Variants in FAIM2 observed in about 807,000 individuals in gnomAD.
FAIM2 encodes the protein Fas apoptotic inhibitory molecule 2.
A neutral mutation model predicts 47.4 loss-of-function variants in FAIM2; 27 were observed. That is an observed-to-expected ratio of 0.57 (90% CI 0.42 to 0.78). FAIM2 has a LOEUF of 0.78. Among genes scored for constraint, FAIM2 ranks in the 30% least tolerant of loss-of-function variants. The pLI is 0.00. For synonymous variants in FAIM2, 156 were observed against 159.3 expected, an observed-to-expected ratio of 0.98 and a Z score of 0.16; for missense variants, 311 against 389.4, an observed-to-expected ratio of 0.80 and a Z score of 1.69.
chr12:49,880,435 CAT>C (rs1225828875), intron 11 of FAIM2, among the ~76,000 whole-genome samples: 70 of 124,522 alleles, frequency 5.6e-4, no homozygotes, highest in African/African-American at 2.2e-3. Context: ...CATATCTCTG[CAT>C]GTTTGTGTAT....
intron 10 of FAIM2, among the ~76,000 whole-genome samples, 163 bp from the exon 11 acceptor site, chr12:49,887,602 C>T (rs1946870952): frequency 6.6e-6 from 1 of 152,152 alleles, no homozygotes; most frequent in Admixed American, 6.5e-5. Context: ...TCTGTGTGCC[C>T]AGGGTGGGTG....
In FAIM2 at chr12:49,879,584, G is replaced by A. The variant is rs1408657118; in HGVS notation, c.801+7802C>T. ...CATGCATGTATATGTGCGTGTATAT[G>A]TGTATTTGTGTGCATGCGAGTGTAT... On this transcript the variant is annotated intron_variant, in intron 11 of 11. Transcript: ENST00000320634. Among the ~76,000 whole-genome samples, 5 of 151,710 alleles carry A rather than the reference G, an allele frequency of 3.3e-5. No homozygotes were observed. The South Asian group carries it at 8.3e-4, about 25-fold the overall frequency.
intron 5 of FAIM2, among the ~76,000 whole-genome samples, chr12:49,894,457 G>A (rs1296131144): frequency 6.6e-6 from 1 of 152,194 alleles, no homozygotes; most frequent in Non-Finnish European, 1.5e-5. Context: ...TGAGGGCCTT[G>A]AGAAAGCTGG....
intron 2 of FAIM2, among the ~76,000 whole-genome samples, chr12:49,900,478 C>T (rs1281872973): frequency 6.6e-6 from 1 of 152,124 alleles, no homozygotes; most frequent in Admixed American, 6.5e-5. Flanking sequence ...CTGGGATTCT[C>T]GGTCTGCAGG....
intron 5 of FAIM2, among the ~76,000 whole-genome samples, chr12:49,892,840 G>A (rs535687695): frequency 1.3e-5 from 2 of 152,304 alleles, no homozygotes; most frequent in East Asian, 3.9e-4. Context: ...CACAAGTAAT[G>A]TTCAACAGGT....
chr12:49,886,635 C>T (rs297921), intron 11 of FAIM2, among the ~76,000 whole-genome samples: 2,466 of 152,136 alleles, frequency 0.016, 48 homozygotes, highest in African/African-American at 0.049. Flanking sequence ...CCACCACACC[C>T]GGCTAATTTT....
chr12:49,900,284 C>A (rs1047283372), intron 2 of FAIM2: 1 of 1,147,330 alleles, frequency 8.7e-7, no homozygotes, highest in Admixed American at 2.8e-5. Flanking sequence ...GGGGCATTGT[C>A]TCTGAGATCT....
chr12:49,896,008 C>T (rs1946934336), intron 5 of FAIM2, among the ~76,000 whole-genome samples: 1 of 152,254 alleles, frequency 6.6e-6, no homozygotes, highest in South Asian at 2.1e-4. Flanking sequence ...TTTGCTTAAG[C>T]CACTTGTCTC....
At chr12:49,877,006 G>A (rs1316291405) in intron 11 of FAIM2, among the ~76,000 whole-genome samples, 1 of 152,172 alleles carries the variant, frequency 6.6e-6, no homozygotes, top group Non-Finnish European at 1.5e-5. Flanking sequence ...TTGGTGGGGG[G>A]CACTGGCCAG....
rs553652742 is a variant in FAIM2, at chr12:49,903,710, T to C, written c.15+68A>G. The stretch of plus-strand genomic sequence containing the variant: ...GGATGCTTTCGTGGTCCAGAGGGCT[T>C]GCTGAGGATGACAGGGAGCCGGGAG... On this transcript the variant is annotated intron_variant, in intron 1 of 11. Coordinates refer to ENST00000320634, the MANE Select transcript of FAIM2 (RefSeq NM_012306.4). 341 of 1,544,362 alleles carry C rather than the reference T, an allele frequency of 2.2e-4. No homozygotes were observed. The African/African-American group carries it at 4.2e-3, about 19-fold the overall frequency.
intron 8 of FAIM2, 148 bp from the exon 9 acceptor site, chr12:49,889,716 CT>C: frequency 1.5e-6 from 1 of 661,638 alleles, no homozygotes; most frequent in Non-Finnish European, 2.7e-6. Flanking sequence ...CTCTGTCTGC[CT>C]CCCCAGCCTT....
chr12:49,880,129 AAT>A (rs1181370208), intron 11 of FAIM2, among the ~76,000 whole-genome samples: 1 of 116,592 alleles, frequency 8.6e-6, no homozygotes, highest in Admixed American at 8.4e-5. Context: ...TGTGCATGTG[AAT>A]GTGTGTATAT....
Position 49,879,970 on chromosome 12 carries a change from G to GTA in FAIM2, c.801+7415_801+7416insTA, listed in dbSNP as rs201260003. On this transcript the variant is annotated intron_variant, in intron 11 of 11. Coordinates refer to ENST00000320634, the MANE Select transcript of FAIM2 (RefSeq NM_012306.4). ...TATGTGCGCTTGTATGTGCATGTGTGTGTATATGTGAGTGTATGTGCATGT... is the reference window on the plus strand; with the variant it reads ...TATGTGCGCTTGTATGTGCATGTGTGTATGTATATGTGAGTGTATGTGCATGT... 8.6e-3 allele frequency among the ~76,000 whole-genome samples: 1,300 copies of GTA among 151,242 alleles called. 5 individuals carry two copies. Among genetic ancestry groups the GTA allele is most frequent in the Admixed American group, 0.018 (273 of 15,216 alleles).
At chr12:49,883,530 G>A (rs1946840627) in intron 11 of FAIM2, among the ~76,000 whole-genome samples, 1 of 152,090 alleles carries the variant, frequency 6.6e-6, no homozygotes, top group South Asian at 2.1e-4. Context: ...TACATGTGAA[G>A]TCTGAGGTGC....
intron 11 of FAIM2, among the ~76,000 whole-genome samples, chr12:49,879,779 T>G (rs948356918): frequency 6.6e-6 from 1 of 151,882 alleles, no homozygotes; most frequent in African/African-American, 2.4e-5. Flanking sequence ...TGTGTATATA[T>G]GTGCATGTGT....
At chr12:49,880,877 T>TGAGA (rs1555158737) in intron 11 of FAIM2, among the ~76,000 whole-genome samples, 1 of 74,726 alleles carries the variant, frequency 1.3e-5, no homozygotes, top group Non-Finnish European at 2.5e-5. Flanking sequence ...TATGCGTGAA[T>TGAGA]GTGAGTGTGT....
intron 2 of FAIM2, among the ~76,000 whole-genome samples, chr12:49,899,521 T>C (rs1279063793): frequency 1.3e-5 from 2 of 152,234 alleles, no homozygotes; most frequent in Non-Finnish European, 2.9e-5. Flanking sequence ...AACCCAAGTA[T>C]ATTTTTTCAA....
At chr12:49,889,778 A>G (rs1946886440) in intron 8 of FAIM2, among the ~76,000 whole-genome samples, 1 of 151,956 alleles carries the variant, frequency 6.6e-6, no homozygotes, top group African/African-American at 2.4e-5. Context: ...ATCAAATTAG[A>G]AGGATCTTGA....
At position 49,878,527 on chromosome 12, in the gene FAIM2, T is replaced by C. The variant is rs552746804; in HGVS notation, c.802-7874A>G. ...GTGTATATGTGTGCATATGACTGTG[T>C]ATGTGCATGTGTATATGTGCGTGCA... is the stretch of plus-strand genomic sequence containing the variant. On this transcript the variant is annotated intron_variant, in intron 11 of 11. Coordinates refer to ENST00000320634, the MANE Select transcript of FAIM2 (RefSeq NM_012306.4). 5.2e-5 allele frequency among the ~76,000 whole-genome samples: 6 copies of C among 115,386 alleles called. 3 individuals are homozygous for C. The East Asian group carries it at 1.8e-3, about 34-fold the overall frequency. 75.7% of individuals were successfully genotyped at this position (115,386 alleles called of 152,430 possible).
Sources: gnomAD v4.1 joint callset for allele counts (sites outside exome capture counted in the v4.1 genomes callset) on GRCh38, gnomAD v4.1.1 for gene constraint, MANE v1.5 for transcripts, NCBI Gene and HGNC (gene_info 2026-07-23, HGNC 2026-07-21) for gene names.